Variants in PKIA observed in about 807,000 individuals in gnomAD.
PKIA encodes the protein cAMP-dependent protein kinase inhibitor alpha.
In PKIA, 4 loss-of-function variants were observed where a neutral mutation model predicts 7.6. The ratio of observed to expected loss-of-function variants is 0.52; its 90% CI spans 0.26 to 1.20. The LOEUF is 1.20. Among genes scored for constraint, PKIA ranks in the 50% most tolerant of loss-of-function variants. PKIA has a pLI of 0.13. For missense variants in PKIA, 73 were observed against 86.2 expected (o/e 0.85, Z 0.61); for synonymous variants, 21 against 30.7 (o/e 0.68, Z 1.04).
intron 1 of PKIA, among the ~76,000 whole-genome samples, chr8:78,548,458 A>G (rs946740715): frequency 5.3e-5 from 8 of 152,170 alleles, no homozygotes; most frequent in Non-Finnish European, 7.4e-5. Flanking sequence ...GGATCTTTGC[A>G]TACCTAGCTC....
At chr8:78,564,480 G>T (rs1239816812) in intron 1 of PKIA, among the ~76,000 whole-genome samples, 1 of 151,934 alleles carries the variant, frequency 6.6e-6, no homozygotes, top group African/African-American at 2.4e-5. Flanking sequence ...GGGTCCAGTT[G>T]ATTAATTTAT....
chr8:78,598,403 A>G lies in PKIA; in HGVS notation c.19A>G (p.Thr7Ala). 6.2e-7 allele frequency: 1 copy of G among 1,611,864 alleles called. No homozygotes were observed. The highest frequency in any genetic ancestry group is 8.5e-7 in the Non-Finnish European group (1 of 1,178,456). The change falls in exon 3 of 4, where the codon ACA becomes GCA. Residue 7 changes from threonine (T) to alanine (A), a missense_variant. Thr to Ala is a moderately conservative substitution (Grantham distance 58). Transcript: ENST00000396418. The part of the protein sequence containing the change: MTDVET[T>A]YADFIASGRT... ...GGTAGCAATGACTGATGTGGAAACTACATATGCAGATTTTATTGCTTCAGG... is the reference window on the plus strand; with the variant it reads ...GGTAGCAATGACTGATGTGGAAACTGCATATGCAGATTTTATTGCTTCAGG...
intron 2 of PKIA, among the ~76,000 whole-genome samples, chr8:78,592,049 T>A (rs1808110854): frequency 6.6e-6 from 1 of 152,140 alleles, no homozygotes; most frequent in Admixed American, 6.6e-5. Flanking sequence ...TATACAGGTA[T>A]GCTTGATGTA....
rs961115441 is a variant in PKIA at position 78,605,089 on chromosome 8, T to A, written c.*3268T>A. 1 of 151,952 alleles carries A rather than the reference T, an allele frequency of 6.6e-6. No homozygotes were observed. Among genetic ancestry groups the A allele is most frequent in the African/African-American group, 2.4e-5 (1 of 41,416 alleles). 9.4% of individuals were successfully genotyped at this position (151,952 alleles called of 1,614,324 possible). ...GTAGTAGGGAGAAAATGTGTAGTCA[T>A]CAAGTGAAAATAGGAAAGGATCTAT... On this transcript the variant is annotated 3_prime_UTR_variant, in exon 4 of 4. Transcript: ENST00000396418.
chr8:78,532,586 T>C (rs775429126), intron 1 of PKIA, among the ~76,000 whole-genome samples: 17 of 151,838 alleles, frequency 1.1e-4, no homozygotes, highest in Non-Finnish European at 2.1e-4. Flanking sequence ...TATTTTACTA[T>C]TGCATCGGGT....
At chr8:78,544,919 AAATAGCCAGT>A (rs1397949613) in intron 1 of PKIA, among the ~76,000 whole-genome samples, 1 of 152,184 alleles carries the variant, frequency 6.6e-6, no homozygotes. Context: ...AATACACATT[AAATAGCCAGT>A]AATAGAGGCC....
intron 2 of PKIA, among the ~76,000 whole-genome samples, chr8:78,577,453 A>G (rs561326640): frequency 4.1e-4 from 63 of 152,004 alleles, no homozygotes; most frequent in African/African-American, 1.5e-3. Flanking sequence ...ATATGAGTTT[A>G]CCTATATAAC....
intron 1 of PKIA, among the ~76,000 whole-genome samples, chr8:78,565,084 A>G (rs1807371435): frequency 2.0e-5 from 3 of 151,952 alleles, no homozygotes; most frequent in African/African-American, 7.2e-5. Flanking sequence ...ACATTTTCAA[A>G]TAAATAATTA....
At chr8:78,542,385 T>C (rs1016285979) in intron 1 of PKIA, among the ~76,000 whole-genome samples, 88 of 152,244 alleles carry the variant, frequency 5.8e-4, no homozygotes, top group African/African-American at 1.9e-3. Flanking sequence ...AGCACCTATA[T>C]TCATCTATCT....
At chr8:78,543,098 G>T (rs577723164) in intron 1 of PKIA, among the ~76,000 whole-genome samples, 1 of 152,268 alleles carries the variant, frequency 6.6e-6, no homozygotes, top group African/African-American at 2.4e-5. Flanking sequence ...AAGATTTTCA[G>T]TGTAATTTCA....
intron 1 of PKIA, among the ~76,000 whole-genome samples, chr8:78,523,188 A>T (rs951293287): frequency 1.3e-5 from 2 of 151,994 alleles, no homozygotes; most frequent in East Asian, 3.9e-4. Context: ...AAGGGTTGCT[A>T]GAACATTTAT....
At chr8:78,576,317 A>G (rs1807673176) in intron 2 of PKIA, among the ~76,000 whole-genome samples, 1 of 152,004 alleles carries the variant, frequency 6.6e-6, no homozygotes, top group Non-Finnish European at 1.5e-5. Context: ...TTCATTTTCT[A>G]TTTATCTTTT....
intron 1 of PKIA, among the ~76,000 whole-genome samples, chr8:78,537,051 A>G (rs2118389484): frequency 6.6e-6 from 1 of 152,098 alleles, no homozygotes; most frequent in Admixed American, 6.6e-5. Flanking sequence ...ATAGACCTAG[A>G]TAGAGCTCAG....
At chr8:78,587,560 C>A (rs1807975873) in intron 2 of PKIA, among the ~76,000 whole-genome samples, 1 of 152,068 alleles carries the variant, frequency 6.6e-6, no homozygotes, top group South Asian at 2.1e-4. Context: ...GATTTATAAA[C>A]CCTTTGAAAT....
At chr8:78,524,202 TTATA>T (rs537854318) in intron 1 of PKIA, among the ~76,000 whole-genome samples, 2 of 121,128 alleles carry the variant, frequency 1.7e-5, no homozygotes, top group East Asian at 2.0e-4. Flanking sequence ...ACATTTATAT[TTATA>T]TATATATAAA....
At position 78,604,279 on chromosome 8, in the gene PKIA, G is replaced by A. The variant is rs1808422652; in HGVS notation, c.*2458G>A. On this transcript the variant is annotated 3_prime_UTR_variant, in exon 4 of 4. Coordinates refer to ENST00000396418, the MANE Select transcript of PKIA (RefSeq NM_006823.4). ...GATCCTCAAACAATTCTATTAGAGT[G>A]GTATTTTTATCCAATTTCACAGATT... 1 of 151,678 alleles carries A rather than the reference G, an allele frequency of 6.6e-6. No homozygotes were observed. The highest frequency in any genetic ancestry group is 1.5e-5 in the Non-Finnish European group (1 of 67,886). The allele number at this position is 151,678 out of a possible 1,614,324, so 9.4% of individuals were successfully genotyped here.
rs190779718 is a variant in PKIA, at chr8:78,577,719, G to C, written c.-28+4780G>C. Among the ~76,000 whole-genome samples, 633 of 152,008 alleles carry C rather than the reference G, an allele frequency of 4.2e-3. 3 individuals carry two copies. The highest frequency in any genetic ancestry group is 5.8e-3 in the Non-Finnish European group (397 of 67,936). On this transcript the variant is annotated intron_variant, in intron 2 of 3. Coordinates refer to ENST00000396418, the MANE Select transcript of PKIA (RefSeq NM_006823.4). ...AGTATCAAGAGGTATCCTTATTCCTGATATGCTGTAATAGAATGAAGACCT... is the reference window on the plus strand; with the variant it reads ...AGTATCAAGAGGTATCCTTATTCCTCATATGCTGTAATAGAATGAAGACCT...
intron 1 of PKIA, among the ~76,000 whole-genome samples, chr8:78,541,284 A>G (rs989001650): frequency 2.0e-5 from 3 of 152,148 alleles, no homozygotes; most frequent in African/African-American, 7.2e-5. Context: ...GCAAGTGGCA[A>G]TCTAGAATTC....
intron 2 of PKIA, among the ~76,000 whole-genome samples, chr8:78,590,383 C>T (rs559629093): frequency 6.6e-6 from 1 of 151,702 alleles, no homozygotes; most frequent in African/African-American, 2.4e-5. Context: ...GTATGGAAAG[C>T]ATATTCATAT....
Sources: allele counts gnomAD v4.1 joint callset (sites outside exome capture counted in the v4.1 genomes callset), GRCh38; gene constraint gnomAD v4.1.1; transcripts MANE v1.5; gene names NCBI Gene and HGNC (gene_info 2026-07-23, HGNC 2026-07-21).